The following GREB1 variants were observed in gnomAD, a reference collection of about 807,000 sequenced individuals.
GREB1 encodes growth regulating estrogen receptor binding 1.
Under a neutral mutation model 200.7 loss-of-function variants are expected in GREB1, and 106 were observed. The ratio of observed to expected loss-of-function variants is 0.53; its 90% CI spans 0.45 to 0.62. The LOEUF (loss-of-function observed/expected upper bound fraction) is 0.62. Ranked by LOEUF, GREB1 falls within the 20% of genes least tolerant of loss-of-function variation. The pLI is 0.00. For missense variants in GREB1, 2,243 were observed against 2,556.8 expected, an observed-to-expected ratio of 0.88 and a Z score of 2.65; for synonymous variants, 1,132 against 1,092.4, an observed-to-expected ratio of 1.04 and a Z score of -0.72.
chr2:11,519,722 C>G (rs907866880), intron 1 of GREB1, among the ~76,000 whole-genome samples: 1 of 152,086 alleles, frequency 6.6e-6, no homozygotes, highest in Non-Finnish European at 1.5e-5. Flanking sequence ...TCCCAAAGTG[C>G]TGTGATTACA....
chr2:11,587,405 A>G (rs1680227349), intron 9 of GREB1: 6 of 1,612,926 alleles, frequency 3.7e-6, no homozygotes, highest in African/African-American at 1.3e-5. Context: ...TGCTACCCAA[A>G]TGGTAGCCCT....
intron 25 of GREB1, among the ~76,000 whole-genome samples, chr2:11,628,664 C>G (rs1243329521): frequency 1.3e-5 from 2 of 152,122 alleles, no homozygotes; most frequent in Non-Finnish European, 2.9e-5. Context: ...CATGAAAACA[C>G]GTCCTTGATT....
chr2:11,612,522 T>TC lies in GREB1; in HGVS notation c.3034_3035insC (p.Trp1012SerfsTer36). ...GTGGCAGAAAATTGAGGATGTGGAG[T>TC]GGAGACCCCAGACTTACTTGGAGCT... On this transcript the variant is annotated frameshift_variant, in exon 19 of 33. Coordinates refer to ENST00000381486, the MANE Select transcript of GREB1 (RefSeq NM_014668.4). LOFTEE classifies it high-confidence loss of function. The TC allele has an allele frequency of 6.2e-7, 1 of 1,612,328 alleles. No homozygotes were observed. The highest frequency in any genetic ancestry group is 8.5e-7 in the Non-Finnish European group (1 of 1,178,976).
chr2:11,579,851 C>A (rs1047486261), intron 6 of GREB1, among the ~76,000 whole-genome samples: 57 of 152,328 alleles, frequency 3.7e-4, no homozygotes, highest in African/African-American at 1.3e-3. Context: ...CTATGAACAG[C>A]CTGCGCCCAG....
intron 4 of GREB1, 33 bp from the exon 5 acceptor site, chr2:11,576,320 A>G (rs1457641549): frequency 1.9e-6 from 3 of 1,540,836 alleles, no homozygotes; most frequent in Admixed American, 2.0e-5. Context: ...AAAAAAAAAA[A>G]GAAAGATGTT....
At chr2:11,499,288 G>T (rs1424354461) in intron 1 of GREB1, among the ~76,000 whole-genome samples, 3 of 152,262 alleles carry the variant, frequency 2.0e-5, no homozygotes, top group Non-Finnish European at 2.9e-5. Flanking sequence ...GCAGGGGTCA[G>T]CCTGGGAAAC....
chr2:11,569,984 G>A (rs1040373569), intron 4 of GREB1, among the ~76,000 whole-genome samples: 1 of 152,176 alleles, frequency 6.6e-6, no homozygotes, highest in Admixed American at 6.5e-5. Context: ...CTTCTTTAAA[G>A]GTTACCAACA....
At chr2:11,566,376 A>G in intron 3 of GREB1, 104 bp from the exon 4 acceptor site, 5 of 1,097,664 alleles carry the variant, frequency 4.6e-6, no homozygotes, top group Non-Finnish European at 6.4e-6. Context: ...ACCCAGGGGT[A>G]AGGGTTTCTC....
rs60231852 is a variant in GREB1, at chr2:11,566,019, T to TTA, written c.278-445_278-444dup. 1.3e-3 allele frequency among the ~76,000 whole-genome samples: 194 copies of TTA among 149,008 alleles called. 1 individual carries two copies. The highest frequency in any genetic ancestry group is 3.0e-3 in the South Asian group (14 of 4,658). ...TGATCTGTGTCGTGGATAACTATGA[T>TTA]TATATATATATATATATGAGATGGA... On this transcript the variant is annotated intron_variant, in intron 3 of 32. Transcript: ENST00000381486.
At chr2:11,578,488 G>A (rs1445655546) in intron 6 of GREB1, 57 bp downstream of exon 6, 72 of 1,573,224 alleles carry the variant, frequency 4.6e-5, no homozygotes, top group South Asian at 3.5e-4. Context: ...CACTGTCTCC[G>A]ATGTGTCCGG....
chr2:11,596,091 G>A lies in GREB1; in HGVS notation c.1826-20G>A. ...TTTCACTGACATCAAAAACCCATTT[G>A]TTTATTCTGTCTTGGGCAGAGGGTG... On this transcript the variant is annotated intron_variant, in intron 12 of 32. Coordinates refer to ENST00000381486, the MANE Select transcript of GREB1 (RefSeq NM_014668.4). 4.4e-6 allele frequency: 7 copies of A among 1,606,824 alleles called. No homozygotes were observed. The highest frequency in any genetic ancestry group is 1.3e-5 in the African/African-American group (1 of 74,898).
At chr2:11,495,794 CCG>C in intron 1 of GREB1, among the ~76,000 whole-genome samples, 1 of 139,426 alleles carries the variant, frequency 7.2e-6, no homozygotes, top group African/African-American at 3.0e-5. Flanking sequence ...ATAAGTCCCC[CCG>C]TTTTTTTTTT....
At chr2:11,483,526 C>T (rs1672568516) in intron 1 of GREB1, among the ~76,000 whole-genome samples, 1 of 151,580 alleles carries the variant, frequency 6.6e-6, no homozygotes, top group Non-Finnish European at 1.5e-5. Flanking sequence ...GCACTTGGGA[C>T]CCGGGAGAAA....
upstream of GREB1, among the ~76,000 whole-genome samples, chr2:11,530,541 TGAGGACAGAGC>T (rs1343784015): frequency 7.3e-6 from 1 of 137,224 alleles, no homozygotes. Context: ...CTCTCCAGCC[TGAGGACAGAGC>T]GAGACTCGGT....
intron 1 of GREB1, among the ~76,000 whole-genome samples, chr2:11,538,018 C>T (rs1053037552): frequency 3.3e-5 from 5 of 152,174 alleles, no homozygotes; most frequent in East Asian, 1.9e-4. Flanking sequence ...AGTTTCCCAC[C>T]GTCACACACG....
At chr2:11,483,145 G>A (rs1672548628) in intron 1 of GREB1, among the ~76,000 whole-genome samples, 1 of 152,110 alleles carries the variant, frequency 6.6e-6, no homozygotes, top group Admixed American at 6.5e-5. Context: ...CAGCGTGTAG[G>A]GACCTGGGTG....
At chr2:11,527,004 C>T (rs1350166570) in intron 1 of GREB1, among the ~76,000 whole-genome samples, 2 of 152,288 alleles carry the variant, frequency 1.3e-5, no homozygotes, top group East Asian at 3.9e-4. Flanking sequence ...ACACATGCCT[C>T]ATCCTCCCTA....
intron 10 of GREB1, chr2:11,591,699 C>A: frequency 1.1e-5 from 5 of 457,930 alleles, no homozygotes; most frequent in South Asian, 2.6e-5. Flanking sequence ...AGAATTTAGG[C>A]GAAGGAAGTA....
intron 1 of GREB1, among the ~76,000 whole-genome samples, chr2:11,513,689 A>T (rs1321962449): frequency 6.6e-6 from 1 of 152,170 alleles, no homozygotes; most frequent in East Asian, 1.9e-4. Flanking sequence ...TTGCTTTAAA[A>T]AAAAAAAGAA....
Sources: gnomAD v4.1 joint callset for allele counts (sites outside exome capture counted in the v4.1 genomes callset) on GRCh38, gnomAD v4.1.1 for gene constraint, MANE v1.5 for transcripts, NCBI Gene and HGNC (gene_info 2026-07-23, HGNC 2026-07-21) for gene names.